The following KSR2 variants were observed in gnomAD, a reference collection of about 807,000 sequenced individuals.
KSR2 encodes kinase suppressor of ras 2.
Under a neutral mutation model 107.8 loss-of-function variants are expected in KSR2, and 25 were observed. That is an observed-to-expected ratio of 0.23 (90% CI 0.17 to 0.32). The LOEUF (loss-of-function observed/expected upper bound fraction) is 0.32, where lower values mean the gene tolerates loss of function less well. KSR2 is among the 10% of genes least tolerant of loss of function. KSR2 has a pLI of 1.00. For synonymous variants in KSR2, 480 were observed against 507.0 expected (o/e 0.95, Z 0.71); for missense variants, 887 against 1,268.9 (o/e 0.70, Z 4.57).
chr12:117,536,508 C>A (rs1765595018), intron 10 of KSR2, among the ~76,000 whole-genome samples: 2 of 152,176 alleles, frequency 1.3e-5, no homozygotes, highest in African/African-American at 4.8e-5. Context: ...AAGTCCCTGT[C>A]CTCAACAGCT....
At chr12:117,795,814 T>C (rs1300546359) in intron 3 of KSR2, among the ~76,000 whole-genome samples, 3 of 152,142 alleles carry the variant, frequency 2.0e-5, no homozygotes, top group Admixed American at 2.0e-4. Flanking sequence ...TCTCACTATG[T>C]TACCCAGACT....
chr12:117,951,452 CA>C (rs1171615918), intron 1 of KSR2, among the ~76,000 whole-genome samples: 2 of 152,124 alleles, frequency 1.3e-5, no homozygotes, highest in African/African-American at 4.8e-5. Flanking sequence ...TGCTCAAGTC[CA>C]AGCCACCAAT....
rs998121033 is a variant in KSR2, at chr12:117,555,150, A to G, written c.1518+19T>C. Reference sequence around the variant, plus strand: ...GTGCCAGCCCCACATGCCGAGACCCAGGGGAAGCCCAGCCTTACCTTGTTG... The same window carrying G: ...GTGCCAGCCCCACATGCCGAGACCCGGGGGAAGCCCAGCCTTACCTTGTTG... On this transcript the variant is annotated intron_variant, in intron 9 of 19. Coordinates refer to ENST00000339824, the MANE Select transcript of KSR2 (RefSeq NM_173598.6). 1 of 1,613,446 alleles carries G rather than the reference A, an allele frequency of 6.2e-7. No homozygotes were observed. Among genetic ancestry groups the G allele is most frequent in the South Asian group, 1.1e-5 (1 of 91,044 alleles).
chr12:117,568,924 A>G (rs1208573564), intron 7 of KSR2, among the ~76,000 whole-genome samples: 1 of 152,188 alleles, frequency 6.6e-6, no homozygotes, highest in Non-Finnish European at 1.5e-5. Context: ...TCAAGATTCA[A>G]GCTGGTGATC....
chr12:117,470,866 A>C (rs1343731412), intron 18 of KSR2, among the ~76,000 whole-genome samples: 1 of 152,206 alleles, frequency 6.6e-6, no homozygotes, highest in African/African-American at 2.4e-5. Context: ...GGAACCATTA[A>C]TATTTGTGAT....
intron 4 of KSR2, among the ~76,000 whole-genome samples, chr12:117,708,601 G>A (rs976595946): frequency 3.3e-5 from 5 of 152,202 alleles, no homozygotes; most frequent in African/African-American, 7.2e-5. Flanking sequence ...TATTGCCAGA[G>A]AATATCTCTC....
chr12:117,459,431 A>G lies in KSR2; in HGVS notation c.*7768T>C, dbSNP rs1870783820. On this transcript the variant is annotated 3_prime_UTR_variant, in exon 20 of 20. Transcript: ENST00000339824. ...GGTAACTCGAATGCCCTGAAGCTAC[A>G]TCTGTGATCAGTGGGAAGGCATGCT... 1 of 152,228 alleles carries G rather than the reference A, an allele frequency of 6.6e-6. No individual in the cohort carries two copies. Among genetic ancestry groups the G allele is most frequent in the African/African-American group, 2.4e-5 (1 of 41,444 alleles). The allele number at this position is 152,228 out of a possible 1,614,324, so 9.4% of individuals were successfully genotyped here.
chr12:117,611,409 A>AT (rs2136317317), intron 5 of KSR2, among the ~76,000 whole-genome samples: 1 of 79,300 alleles, frequency 1.3e-5, no homozygotes, highest in Non-Finnish European at 3.1e-5. Flanking sequence ...GCTTCATGAA[A>AT]TGTTGTCAAT....
intron 5 of KSR2, among the ~76,000 whole-genome samples, chr12:117,662,015 A>T (rs1884453496): frequency 6.6e-6 from 1 of 152,182 alleles, no homozygotes; most frequent in Non-Finnish European, 1.5e-5. Flanking sequence ...GTCAGTACCC[A>T]TTAAAAAGCT....
rs372760906 is a variant in KSR2, at chr12:117,538,979, GA to G, written c.1687+739del. Among the ~76,000 whole-genome samples, 594 of 150,950 alleles carry G rather than the reference GA, an allele frequency of 3.9e-3. 2 individuals carry two copies. Among genetic ancestry groups the G allele is most frequent in the African/African-American group, 0.013 (547 of 41,182 alleles). ...ATTCTTAGGTCTCGTCTACCTGAAG[GA>G]AAAAAAAATCCCATTCTTAGGTCTA... On this transcript the variant is annotated intron_variant, in intron 10 of 19. Transcript: ENST00000339824.
intron 3 of KSR2, among the ~76,000 whole-genome samples, chr12:117,779,050 G>A (rs369554236): frequency 8.5e-5 from 13 of 152,190 alleles, no homozygotes; most frequent in Middle Eastern, 3.4e-3. Flanking sequence ...CACCTGCCCC[G>A]GTTTCCCTCC....
intron 3 of KSR2, among the ~76,000 whole-genome samples, chr12:117,804,304 A>C (rs1347884910): frequency 6.6e-6 from 1 of 152,204 alleles, no homozygotes; most frequent in Non-Finnish European, 1.5e-5. Flanking sequence ...TGGCCTCCCA[A>C]AGTGCTGGGA....
At chr12:117,946,982 T>C (rs564780401) in intron 1 of KSR2, among the ~76,000 whole-genome samples, 35 of 151,438 alleles carry the variant, frequency 2.3e-4, no homozygotes, top group African/African-American at 7.3e-4. Context: ...CTGACCAACA[T>C]AGTGAAACCC....
intron 7 of KSR2, among the ~76,000 whole-genome samples, chr12:117,576,791 A>T (rs1334839178): frequency 6.6e-6 from 1 of 152,040 alleles, no homozygotes; most frequent in African/African-American, 2.4e-5. Context: ...GGCATGTACC[A>T]TCATGCCTGG....
chr12:117,603,512 A>G (rs772528920), intron 5 of KSR2, among the ~76,000 whole-genome samples: 26 of 152,270 alleles, frequency 1.7e-4, no homozygotes, highest in Non-Finnish European at 3.2e-4. Context: ...GAATGTTTAA[A>G]TTGGCTGTTA....
chr12:117,856,787 T>G (rs972530331), intron 2 of KSR2, among the ~76,000 whole-genome samples: 2 of 152,158 alleles, frequency 1.3e-5, no homozygotes, highest in Admixed American at 6.5e-5. Flanking sequence ...AGGGCAGTAT[T>G]GCGGAATACA....
chr12:117,734,415 T>C (rs1426174808), intron 4 of KSR2, among the ~76,000 whole-genome samples: 1 of 152,052 alleles, frequency 6.6e-6, no homozygotes, highest in Non-Finnish European at 1.5e-5. Flanking sequence ...AAATGTCTCC[T>C]GGGGAGCTTC....
chr12:117,643,957 G>T (rs1883503376), intron 5 of KSR2, among the ~76,000 whole-genome samples: 1 of 152,182 alleles, frequency 6.6e-6, no homozygotes, highest in South Asian at 2.1e-4. Context: ...CTTGGATGGG[G>T]TGTGGCAGAT....
intron 14 of KSR2, among the ~76,000 whole-genome samples, chr12:117,519,547 A>G (rs1299623642): frequency 2.0e-5 from 3 of 152,072 alleles, no homozygotes; most frequent in Non-Finnish European, 2.9e-5. Context: ...TCTACAAAAT[A>G]ATTTGGGGAG....
Sources: allele counts gnomAD v4.1 joint callset (sites outside exome capture counted in the v4.1 genomes callset), GRCh38; gene constraint gnomAD v4.1.1; transcripts MANE v1.5; gene names NCBI Gene and HGNC (gene_info 2026-07-23, HGNC 2026-07-21).